Variants in FGD4 observed in about 807,000 individuals in gnomAD.
The protein encoded by FGD4 is FYVE, RhoGEF and PH domain-containing protein 4.
In FGD4, 42 loss-of-function variants were observed where a neutral mutation model predicts 102.0. The ratio of observed to expected loss-of-function variants is 0.41; its 90% confidence interval spans 0.32 to 0.53. The LOEUF is 0.53. Ranked by LOEUF, FGD4 falls within the 20% of genes least tolerant of loss-of-function variation. The pLI is 0.21. For synonymous variants in FGD4, 380 were observed against 375.7 expected, an observed-to-expected ratio of 1.01 and a Z score of -0.13; for missense variants, 902 against 1,078.2, an observed-to-expected ratio of 0.84 and a Z score of 2.29.
At chr12:32,556,636 C>T (rs1290664393) in intron 1 of FGD4, among the ~76,000 whole-genome samples, 1 of 151,998 alleles carries the variant, frequency 6.6e-6, no homozygotes, top group Non-Finnish European at 1.5e-5. Context: ...GTGGGTGGAT[C>T]ACCTGAAGTC....
At chr12:32,485,923 C>A in intron 1 of FGD4, 1 of 1,270,226 alleles carries the variant, frequency 7.9e-7, no homozygotes, top group Non-Finnish European at 9.9e-7. Context: ...CTTGAGCCTG[C>A]ATCACTGCCA....
At chr12:32,525,869 T>C (rs7959633) in intron 1 of FGD4, among the ~76,000 whole-genome samples, 151,750 of 152,358 alleles carry the variant, frequency 1, 75,572 homozygotes, top group Middle Eastern at 1. Flanking sequence ...GGCCCACCGG[T>C]GCTGCGCTCG....
chr12:32,641,114 C>T lies in FGD4; in HGVS notation c.*581C>T, dbSNP rs1348769097. ...ATAACTTGTTTTTGTAGAAATACTC[C>T]TAAGAATGTCTTAAGTATATAGCAA... On this transcript the variant is annotated 3_prime_UTR_variant, in exon 17 of 17. Coordinates refer to ENST00000534526, the MANE Select transcript of FGD4 (RefSeq NM_001370298.3). 1.3e-5 allele frequency: 2 copies of T among 156,298 alleles called. No individual in the cohort carries two copies. The highest frequency in any genetic ancestry group is 2.8e-5 in the Non-Finnish European group (2 of 70,666). The allele number at this position is 156,298 out of a possible 1,614,324, so 9.7% of individuals were successfully genotyped here.
At chr12:32,497,077 C>A in intron 1 of FGD4, among the ~76,000 whole-genome samples, 1 of 152,116 alleles carries the variant, frequency 6.6e-6, no homozygotes, top group South Asian at 2.1e-4. Flanking sequence ...AAATATAAGA[C>A]CTCCTCACAT....
intron 1 of FGD4, among the ~76,000 whole-genome samples, chr12:32,539,717 A>G (rs1942646576): frequency 6.6e-6 from 1 of 152,262 alleles, no homozygotes; most frequent in Admixed American, 6.5e-5. Context: ...AATGTTAAAA[A>G]AAAAAGTTCC....
rs954680266 is a variant in FGD4 at position 32,532,825 on chromosome 12, T to C, written c.167-31312T>C. ...AGTTAAAAACAATTCAGGTTTCTTCTCTTTGACTTTTTTCTCCATGTACTA... is the reference window on the plus strand; with the variant it reads ...AGTTAAAAACAATTCAGGTTTCTTCCCTTTGACTTTTTTCTCCATGTACTA... On this transcript the variant is annotated intron_variant, in intron 1 of 16. Coordinates refer to ENST00000534526, the MANE Select transcript of FGD4 (RefSeq NM_001370298.3). Among the ~76,000 whole-genome samples the C allele has an allele frequency of 2.6e-5, 4 of 152,336 alleles. No homozygotes were observed. In the South Asian group the frequency reaches 8.3e-4, roughly 32 times the overall value.
chr12:32,592,329 A>G (rs1014136473), intron 4 of FGD4, among the ~76,000 whole-genome samples: 58 of 152,070 alleles, frequency 3.8e-4, no homozygotes, highest in Middle Eastern at 3.4e-3. Flanking sequence ...GGATATCAAA[A>G]GTAAGATTCT....
intron 1 of FGD4, among the ~76,000 whole-genome samples, chr12:32,540,170 A>C (rs535625047): frequency 6.6e-6 from 1 of 152,334 alleles, no homozygotes; most frequent in South Asian, 2.1e-4. Context: ...AATCCTAAAA[A>C]TTGTGTAATA....
chr12:32,472,919 G>A (rs1421847042), intron 1 of FGD4, among the ~76,000 whole-genome samples: 5 of 152,164 alleles, frequency 3.3e-5, no homozygotes, highest in African/African-American at 1.2e-4. Context: ...CTCAAGGATT[G>A]TAAATATACC....
chr12:32,596,767 C>G (rs1037101556), intron 4 of FGD4, among the ~76,000 whole-genome samples: 1 of 151,874 alleles, frequency 6.6e-6, no homozygotes, highest in Admixed American at 6.6e-5. Flanking sequence ...GAAACCTCGT[C>G]TCTGCTAAAA....
At chr12:32,516,564 TTATCTGTTGTAAATA>T (rs1213102895) in intron 1 of FGD4, among the ~76,000 whole-genome samples, 1 of 152,226 alleles carries the variant, frequency 6.6e-6, no homozygotes, top group Non-Finnish European at 1.5e-5. Flanking sequence ...CACTGACAAG[TTATCTGTTGTAAATA>T]TATATGCTTA....
rs1381057688 is a variant in FGD4 at position 32,506,449 on chromosome 12, G to C, written c.167-57688G>C. Among the ~76,000 whole-genome samples, 1 of 152,156 alleles carries C rather than the reference G, an allele frequency of 6.6e-6. No individual in the cohort carries two copies. The highest frequency in any genetic ancestry group is 6.5e-5 in the Admixed American group (1 of 15,274). On this transcript the variant is annotated intron_variant, in intron 1 of 16. Coordinates refer to ENST00000534526, the MANE Select transcript of FGD4 (RefSeq NM_001370298.3). This position sits in a 1 kb window ranked among gnomAD's most constrained non-coding sequence, Gnocchi z 4.5. ...CACTGTGGATCCCAAAGCAGGTGGG[G>C]GAGGGAGGAGCCTGAGGAACGACTA...
Position 32,582,388 on chromosome 12 carries a change from C to A in FGD4, c.932C>A (p.Thr311Lys). The A allele has an allele frequency of 6.2e-7, 1 of 1,614,036 alleles. No individual in the cohort carries two copies. The highest frequency in any genetic ancestry group is 1.3e-5 in the African/African-American group (1 of 75,008). The change falls in exon 4 of 17, where the codon ACA (threonine) becomes AAA (lysine). Residue 311 changes from threonine (T) to lysine (K), a missense_variant. Around this residue, in one of 2 missense-constraint regions of FGD4, gnomAD observed 443 missense variants for 459.2 expected, o/e 0.96. Coordinates refer to ENST00000534526, the MANE Select transcript of FGD4 (RefSeq NM_001370298.3). ...VLPLEERGAE[T>K]ETKVQERENG... is the part of the protein sequence containing the mutation. ...CCCCTAGAAGAAAGAGGGGCAGAAA[C>A]AGAAACCAAGGTACAAGAGAGGGAA... is the stretch of plus-strand genomic sequence containing the variant.
intron 1 of FGD4, among the ~76,000 whole-genome samples, chr12:32,401,901 A>G (rs1264012737): frequency 8.8e-6 from 1 of 113,400 alleles, no homozygotes; most frequent in East Asian, 2.4e-4. Context: ...TAATTTTTGT[A>G]CATTTTTTTT....
chr12:32,477,507 T>G (rs1350736791), intron 1 of FGD4: 1 of 152,414 alleles, frequency 6.6e-6, no homozygotes, highest in Non-Finnish European at 1.5e-5. Context: ...ATTTCACAGA[T>G]GGACAGAAGT....
intron 1 of FGD4, among the ~76,000 whole-genome samples, chr12:32,521,372 CAA>C (rs60786078): frequency 7.5e-5 from 7 of 93,926 alleles, no homozygotes; most frequent in Non-Finnish European, 6.3e-5. Context: ...GACTCCGTCT[CAA>C]AAAAAAAAAA....
At chr12:32,505,232 C>G (rs1938597920) in intron 1 of FGD4, among the ~76,000 whole-genome samples, 2 of 152,158 alleles carry the variant, frequency 1.3e-5, no homozygotes, top group Non-Finnish European at 2.9e-5. Flanking sequence ...CTCTTGCTTT[C>G]TCCCACAATG....
At chr12:32,562,596 T>G (rs942056710) in intron 1 of FGD4, among the ~76,000 whole-genome samples, 1 of 152,140 alleles carries the variant, frequency 6.6e-6, no homozygotes, top group African/African-American at 2.4e-5. Flanking sequence ...TACTTGAGAT[T>G]AGGGAGTGGT....
At chr12:32,415,128 A>T (rs1055848204) in intron 1 of FGD4, among the ~76,000 whole-genome samples, 14 of 151,988 alleles carry the variant, frequency 9.2e-5, no homozygotes, top group African/African-American at 3.1e-4. Context: ...GCTTTATTTC[A>T]TTGTGGTCAG....
Sources: allele counts gnomAD v4.1 joint callset (sites outside exome capture counted in the v4.1 genomes callset), GRCh38; gene constraint gnomAD v4.1.1; regional missense constraint gnomAD v4.1.1; non-coding constraint Gnocchi (gnomAD v3.1); transcripts MANE v1.5; gene names NCBI Gene and HGNC (gene_info 2026-07-23, HGNC 2026-07-21).